The following MAPK8IP3 variants were observed in gnomAD, a reference collection of about 807,000 sequenced individuals.
The protein encoded by MAPK8IP3 is mitogen-activated protein kinase 8 interacting protein 3.
MAPK8IP3 carries 49 observed loss-of-function variants against 157.8 expected under a neutral mutation model. The ratio of observed to expected loss-of-function variants is 0.31; its 90% CI spans 0.25 to 0.39. The LOEUF is 0.39. MAPK8IP3 is among the 10% of genes least tolerant of loss of function. MAPK8IP3 has a pLI of 1.00. For missense variants in MAPK8IP3, 1,478 were observed against 1,889.4 expected, an observed-to-expected ratio of 0.78 and a Z score of 4.04; for synonymous variants, 897 against 777.7, an observed-to-expected ratio of 1.15 and a Z score of -2.55.
chr16:1,731,253 C>T (rs1404106577), intron 4 of MAPK8IP3, among the ~76,000 whole-genome samples: 1 of 152,070 alleles, frequency 6.6e-6, no homozygotes, highest in African/African-American at 2.4e-5. Context: ...CACCTGAACC[C>T]CAGGGGCGGA....
intron 13 of MAPK8IP3, among the ~76,000 whole-genome samples, chr16:1,761,746 G>C (rs1309380441): frequency 6.6e-6 from 1 of 151,666 alleles, no homozygotes; most frequent in Non-Finnish European, 1.5e-5. Flanking sequence ...CACACGCCGG[G>C]TGACCACTGT....
chr16:1,729,457 G>A (rs1362981604), intron 3 of MAPK8IP3, 30 bp from the exon 4 acceptor site: 1 of 1,593,714 alleles, frequency 6.3e-7, no homozygotes, highest in South Asian at 1.1e-5. Flanking sequence ...CCCCACGGCA[G>A]CGCTAATGCA....
intron 16 of MAPK8IP3, 71 bp downstream of exon 16, chr16:1,763,077 C>T (rs2042047638): frequency 5.1e-6 from 8 of 1,582,984 alleles, no homozygotes; most frequent in African/African-American, 4.0e-5. Context: ...GGCTCCTCCC[C>T]TCCAGGCCCT....
intron 1 of MAPK8IP3, among the ~76,000 whole-genome samples, chr16:1,722,992 T>G (rs2038631568): frequency 6.6e-6 from 1 of 151,758 alleles, no homozygotes; most frequent in Admixed American, 6.6e-5. Flanking sequence ...TGAGCCACCG[T>G]GCCTGGCCAA....
Position 1,766,084 on chromosome 16 carries a change from C to T in MAPK8IP3, c.2571C>T (p.Asn857=), listed in dbSNP as rs370194148. The change falls in exon 21 of 32, where the codon AAC becomes AAT. Residue 857 remains asparagine (N), a synonymous_variant. Coordinates refer to ENST00000610761, the MANE Select transcript of MAPK8IP3 (RefSeq NM_001318852.2). ...TGGTGGGCTGTGCCACCCGCTGCAA[C>T]GTGCCGCGGAGCAACTGCTCCTCCC... ...ITLVGCATRC[N]VPRSNCSSRG... is the part of the protein sequence containing the mutation. 1.2e-4 allele frequency: 192 copies of T among 1,612,702 alleles called. No individual in the cohort carries two copies. Among genetic ancestry groups the T allele is most frequent in the Admixed American group, 4.3e-4 (26 of 59,982 alleles).
At chr16:1,747,580 A>G (rs1343511104) in intron 6 of MAPK8IP3, among the ~76,000 whole-genome samples, 2 of 152,188 alleles carry the variant, frequency 1.3e-5, no homozygotes, top group East Asian at 1.9e-4. Flanking sequence ...ACGTGACCTC[A>G]TTTTACCATA....
chr16:1,737,619 T>A (rs2040096098), intron 4 of MAPK8IP3, among the ~76,000 whole-genome samples: 4 of 92,784 alleles, frequency 4.3e-5, no homozygotes, highest in Admixed American at 1.1e-4. Flanking sequence ...CGTCCGTGTG[T>A]GTGACCATCC....
At chr16:1,727,421 TCA>T (rs1360273310) in intron 2 of MAPK8IP3, among the ~76,000 whole-genome samples, 2 of 151,880 alleles carry the variant, frequency 1.3e-5, no homozygotes, top group Non-Finnish European at 2.9e-5. Context: ...CGTCTGTGAG[TCA>T]CATGTGTCAC....
intron 4 of MAPK8IP3, among the ~76,000 whole-genome samples, chr16:1,738,859 G>GTCTGTGTGAGCGTGTGAGCA (rs2040341557): frequency 1.1e-5 from 1 of 90,518 alleles, no homozygotes; most frequent in Non-Finnish European, 2.0e-5. Context: ...GCGTGTGAGC[G>GTCTGTGTGAGCGTGTGAGCA]TCCGTGTGAG....
At chr16:1,738,133 C>T (rs1342469624) in intron 4 of MAPK8IP3, among the ~76,000 whole-genome samples, 1 of 64,796 alleles carries the variant, frequency 1.5e-5, no homozygotes, top group Non-Finnish European at 2.6e-5. Flanking sequence ...CGTGACTGTC[C>T]GTGTGTGTGA....
chr16:1,707,819 A>C (rs1201314252), intron 1 of MAPK8IP3: 1 of 152,230 alleles, frequency 6.6e-6, no homozygotes, highest in Non-Finnish European at 1.5e-5. Context: ...GTCTTAGGAA[A>C]TGAGCTTCAA....
At chr16:1,757,317 G>A (rs1376858570) in intron 8 of MAPK8IP3, among the ~76,000 whole-genome samples, 1 of 152,154 alleles carries the variant, frequency 6.6e-6, no homozygotes, top group Non-Finnish European at 1.5e-5. Context: ...CATTAGCCAG[G>A]ATGGTCTCAA....
intron 14 of MAPK8IP3, 78 bp from the exon 15 acceptor site, chr16:1,762,596 TC>T: frequency 6.5e-7 from 1 of 1,549,450 alleles, no homozygotes; most frequent in Non-Finnish European, 8.7e-7. Flanking sequence ...GCTGGGTGCT[TC>T]CTGGCGGGAG....
intron 1 of MAPK8IP3, among the ~76,000 whole-genome samples, chr16:1,722,844 G>A (rs1237256151): frequency 1.3e-5 from 2 of 151,818 alleles, no homozygotes; most frequent in African/African-American, 4.8e-5. Flanking sequence ...TGGGACTACA[G>A]GCGCCTGCCA....
In MAPK8IP3 at chr16:1,766,010, G is replaced by A. The variant is rs747969425; in HGVS notation, c.2497G>A (p.Val833Met). ...CGGGGAGATGTTCCTGGACAGCGACGTGAACCCAGAGGACCCGGGCGCAGA... is the reference window on the plus strand; with the variant it reads ...CGGGGAGATGTTCCTGGACAGCGACATGAACCCAGAGGACCCGGGCGCAGA... ...PPGEMFLDSDVNPEDPGADGV... is the reference protein window; with the variant it reads ...PPGEMFLDSDMNPEDPGADGV... The change falls in exon 21 of 32, where the codon GTG becomes ATG. Residue 833 changes from valine (V) to methionine (M), a missense_variant. Val to Met is a conservative substitution (Grantham distance 21). This residue lies in a region of MAPK8IP3 where 669 missense variants were observed against 759.8 expected (regional missense o/e 0.88). Transcript: ENST00000610761. 18 of 1,612,808 alleles carry A rather than the reference G, an allele frequency of 1.1e-5. No homozygotes were observed. The highest frequency in any genetic ancestry group is 1.4e-5 in the Non-Finnish European group (16 of 1,179,942).
chr16:1,767,389 A>G (rs2042335028), intron 26 of MAPK8IP3, 92 bp downstream of exon 26: 2 of 1,557,586 alleles, frequency 1.3e-6, no homozygotes, highest in East Asian at 2.3e-5. Context: ...ACGAGGCCCT[A>G]CGTGGGTCCC....
intron 4 of MAPK8IP3, among the ~76,000 whole-genome samples, chr16:1,734,182 G>A (rs954496599): frequency 5.3e-5 from 8 of 152,264 alleles, no homozygotes; most frequent in African/African-American, 1.9e-4. Context: ...TCCACAGCAC[G>A]TGAGAAGACG....
At chr16:1,729,626 G>T (rs760277669) in intron 4 of MAPK8IP3, 48 bp downstream of exon 4, 1 of 1,522,696 alleles carries the variant, frequency 6.6e-7, no homozygotes. Context: ...CGGCGGGGCG[G>T]AGGTACGCAG....
rs1394069601 is a variant in MAPK8IP3 at position 1,768,807 on chromosome 16, T to C, written c.3997T>C (p.Ser1333Pro). 2.5e-6 allele frequency: 4 copies of C among 1,612,206 alleles called. No homozygotes were observed. Among genetic ancestry groups the C allele is most frequent in the Non-Finnish European group, 3.4e-6 (4 of 1,179,770 alleles). Residue 1333 changes from serine to proline, a missense_variant, in exon 32 of 32, where the codon TCC becomes CCC. Physicochemically the swap from Ser to Pro is moderately conservative, Grantham distance 74. Transcript: ENST00000610761. ...ERSHIIVWQV[S>P]YTPE ...CAGTCACATCATCGTGTGGCAGGTG[T>C]CCTACACCCCCGAGTGAAGCTGCTG...
Sources: allele counts gnomAD v4.1 joint callset (sites outside exome capture counted in the v4.1 genomes callset), GRCh38; gene constraint gnomAD v4.1.1; regional missense constraint gnomAD v4.1.1; transcripts MANE v1.5; gene names NCBI Gene and HGNC (gene_info 2026-07-23, HGNC 2026-07-21).